ADGRB3: variants seen among roughly 807,000 people sequenced by gnomAD.
The protein encoded by ADGRB3 is brain-specific angiogenesis inhibitor 3.
A neutral mutation model predicts 193.4 loss-of-function variants in ADGRB3; 37 were observed. The ratio of observed to expected loss-of-function variants is 0.19; its 90% confidence interval spans 0.15 to 0.25. The LOEUF (loss-of-function observed/expected upper bound fraction) is 0.25. Among genes scored for constraint, ADGRB3 ranks in the 10% least tolerant of loss-of-function variants. The pLI is 1.00. For missense variants in ADGRB3, 1,637 were observed against 1,852.9 expected, an observed-to-expected ratio of 0.88 and a Z score of 2.14; for synonymous variants, 690 against 644.2, an observed-to-expected ratio of 1.07 and a Z score of -1.08.
At position 68,936,691 on chromosome 6, in the gene ADGRB3, C is replaced by T. The variant is rs1173459382; in HGVS notation, c.1030+11C>T. The stretch of plus-strand genomic sequence containing the variant: ...CTGCCCTCTGTCCAGGTAGTGTTAG[C>T]AGCAACTACAACTGTGGATGTTATT... On this transcript the variant is annotated intron_variant, in intron 5 of 31. Transcript: ENST00000370598. The T allele has an allele frequency of 6.2e-7, 1 of 1,607,824 alleles. No individual in the cohort carries two copies. The highest frequency in any genetic ancestry group is 1.7e-5 in the Admixed American group (1 of 59,554).
chr6:69,162,003 A>G (rs1407249963), intron 17 of ADGRB3, among the ~76,000 whole-genome samples: 1 of 152,130 alleles, frequency 6.6e-6, no homozygotes, highest in Non-Finnish European at 1.5e-5. Flanking sequence ...TATTTGGCAG[A>G]AGTAAATCAA....
chr6:68,752,901 G>A (rs950609463), intron 3 of ADGRB3, among the ~76,000 whole-genome samples: 1 of 152,186 alleles, frequency 6.6e-6, no homozygotes, highest in African/African-American at 2.4e-5. Flanking sequence ...AGCAGACCTT[G>A]GGTCATAGAA....
intron 28 of ADGRB3, among the ~76,000 whole-genome samples, chr6:69,358,921 GTA>G (rs200724526): frequency 3.3e-5 from 5 of 149,276 alleles, no homozygotes. Context: ...ACACACACAC[GTA>G]TATATATATA....
chr6:68,914,316 G>C (rs1225289120), intron 3 of ADGRB3, among the ~76,000 whole-genome samples: 1 of 152,046 alleles, frequency 6.6e-6, no homozygotes, highest in Non-Finnish European at 1.5e-5. Context: ...ACCCACAAAG[G>C]GAAGCCCATC....
Position 69,382,949 on chromosome 6 carries a change from G to T in ADGRB3, c.4380+14G>T, listed in dbSNP as rs374700418. The T allele has an allele frequency of 1.6e-5, 25 of 1,533,490 alleles. No individual in the cohort carries two copies. Among genetic ancestry groups the T allele is most frequent in the Non-Finnish European group, 2.2e-5 (24 of 1,113,338 alleles). 95.0% of individuals were successfully genotyped at this position (1,533,490 alleles called of 1,614,324 possible). On this transcript the variant is annotated intron_variant, in intron 31 of 31. Coordinates refer to ENST00000370598, the MANE Select transcript of ADGRB3 (RefSeq NM_001704.3). The stretch of plus-strand genomic sequence containing the variant: ...ACAAGCAGTATGGTAAGTATGCTTT[G>T]CTTCAATGCCTGAGTAGAAGATGCA...
intron 3 of ADGRB3, among the ~76,000 whole-genome samples, chr6:68,699,052 A>T (rs2127307496): frequency 6.6e-6 from 1 of 152,286 alleles, no homozygotes; most frequent in African/African-American, 2.4e-5. Context: ...ATATTATTTT[A>T]AAATGAATCA....
intron 3 of ADGRB3, among the ~76,000 whole-genome samples, chr6:68,890,079 A>G (rs1365862123): frequency 6.6e-6 from 1 of 152,206 alleles, no homozygotes; most frequent in Non-Finnish European, 1.5e-5. Flanking sequence ...TGTACATTGT[A>G]TGATTACCCG....
Position 68,990,708 on chromosome 6 carries a change from G to T in ADGRB3, c.1735-3060G>T, listed in dbSNP as rs1038649584. Among the ~76,000 whole-genome samples the T allele has an allele frequency of 3.3e-5, 5 of 152,126 alleles. No homozygotes were observed. In the East Asian group the frequency reaches 9.6e-4, roughly 29 times the overall value. On this transcript the variant is annotated intron_variant, in intron 10 of 31. Coordinates refer to ENST00000370598, the MANE Select transcript of ADGRB3 (RefSeq NM_001704.3). Reference sequence around the variant, plus strand: ...TTCTCAAGATTCAATTCTATGTTGTGATGTTTTTGTTTGAGGATATCTGTA... The same window carrying T: ...TTCTCAAGATTCAATTCTATGTTGTTATGTTTTTGTTTGAGGATATCTGTA...
At chr6:69,023,734 A>G (rs1770340623) in intron 13 of ADGRB3, among the ~76,000 whole-genome samples, 1 of 152,144 alleles carries the variant, frequency 6.6e-6, no homozygotes. Flanking sequence ...CCATCAACAC[A>G]GTGAGTCCAA....
chr6:68,994,863 A>ATTTGT (rs3839460), intron 11 of ADGRB3, among the ~76,000 whole-genome samples: 5,294 of 151,694 alleles, frequency 0.035, 100 homozygotes, highest in South Asian at 0.06. Context: ...AAAATACAGG[A>ATTTGT]TTTGTTTTGT....
intron 13 of ADGRB3, among the ~76,000 whole-genome samples, chr6:69,032,432 T>A (rs1222605942): frequency 6.6e-6 from 1 of 151,990 alleles, no homozygotes; most frequent in East Asian, 1.9e-4. Flanking sequence ...AGAAGGATGC[T>A]GCTGTGAGTT....
chr6:69,050,034 C>T (rs967554259), intron 15 of ADGRB3, among the ~76,000 whole-genome samples: 2 of 152,200 alleles, frequency 1.3e-5, no homozygotes, highest in Non-Finnish European at 2.9e-5. Flanking sequence ...TGTTTCTCCA[C>T]ATCACCTCGT....
chr6:69,116,245 C>T (rs1043471756), intron 17 of ADGRB3, among the ~76,000 whole-genome samples: 2 of 152,154 alleles, frequency 1.3e-5, no homozygotes, highest in Non-Finnish European at 2.9e-5. Context: ...TAAATGTTAA[C>T]CACATCTCCA....
At chr6:68,870,347 T>A (rs1260184119) in intron 3 of ADGRB3, among the ~76,000 whole-genome samples, 1 of 152,170 alleles carries the variant, frequency 6.6e-6, no homozygotes. Context: ...TATTTAGTAT[T>A]TTAATCATTT....
intron 20 of ADGRB3, among the ~76,000 whole-genome samples, chr6:69,260,066 CATGTG>C (rs1766890993): frequency 6.6e-6 from 1 of 152,112 alleles, no homozygotes; most frequent in Admixed American, 6.6e-5. Flanking sequence ...TGTGTGTGCA[CATGTG>C]ATGTGATTTG....
intron 3 of ADGRB3, among the ~76,000 whole-genome samples, chr6:68,905,998 T>C (rs1457329748): frequency 3.9e-5 from 6 of 152,124 alleles, no homozygotes; most frequent in Admixed American, 6.6e-5. Flanking sequence ...TGTATAATCC[T>C]TGTGGATAAT....
Position 68,936,536 on chromosome 6 carries a change from G to A in ADGRB3, c.886G>A (p.Glu296Lys). The change falls in exon 5 of 32, where the codon GAG (glutamate) becomes AAG (lysine). Residue 296 changes from glutamate to lysine, a missense_variant. Glu to Lys is a moderately conservative substitution (Grantham distance 56). Transcript: ENST00000370598. ...MAQTGESGVE[E>K]WSQWSTCSVT... ...GCACGCAGGTGAATCTGGTGTGGAAGAGTGGTCCCAGTGGAGCACATGTTC... is the reference window on the plus strand; with the variant it reads ...GCACGCAGGTGAATCTGGTGTGGAAAAGTGGTCCCAGTGGAGCACATGTTC... 1 of 1,614,002 alleles carries A rather than the reference G, an allele frequency of 6.2e-7. No individual in the cohort carries two copies.
At chr6:69,264,674 A>G (rs1767003352) in intron 20 of ADGRB3, among the ~76,000 whole-genome samples, 1 of 151,704 alleles carries the variant, frequency 6.6e-6, no homozygotes, top group African/African-American at 2.4e-5. Context: ...TCTCACCCAA[A>G]CTCACTCCAC....
chr6:68,639,008 C>T lies in ADGRB3; in HGVS notation c.333C>T (p.Leu111=). ...GAAAGAATCATTCTATAATGCAACTCTGCAATTCCAAGAATGCTTTCGTTT... is the reference window on the plus strand; with the variant it reads ...GAAAGAATCATTCTATAATGCAACTTTGCAATTCCAAGAATGCTTTCGTTT... ...LLRKNHSIMQ[L]CNSKNAFVFL... The change falls in exon 3 of 32, where the codon CTC becomes CTT. Residue 111 remains leucine (L), a synonymous_variant. Coordinates refer to ENST00000370598, the MANE Select transcript of ADGRB3 (RefSeq NM_001704.3). 2 of 1,613,356 alleles carry T rather than the reference C, an allele frequency of 1.2e-6. No individual in the cohort carries two copies. Among genetic ancestry groups the T allele is most frequent in the Non-Finnish European group, 1.7e-6 (2 of 1,179,808 alleles).
Sources: gnomAD v4.1 joint callset for allele counts (sites outside exome capture counted in the v4.1 genomes callset) on GRCh38, gnomAD v4.1.1 for gene constraint, MANE v1.5 for transcripts, NCBI Gene and HGNC (gene_info 2026-07-23, HGNC 2026-07-21) for gene names.